The following SLCO6A1 variants were observed in gnomAD, a reference collection of about 807,000 sequenced individuals.
SLCO6A1 encodes the protein solute carrier organic anion transporter family member 6A1.
Under a neutral mutation model 72.7 loss-of-function variants are expected in SLCO6A1, and 65 were observed. The observed-to-expected ratio is 0.89, with a 90% CI of 0.73 to 1.10. The LOEUF (loss-of-function observed/expected upper bound fraction) is 1.10, where lower values mean the gene tolerates loss of function less well. Among genes scored for constraint, SLCO6A1 ranks in the 50% least tolerant of loss-of-function variants. The probability of loss-of-function intolerance (pLI) is 0.00; values close to 1 mark genes in which losing one functional copy is unlikely to be tolerated. For missense variants in SLCO6A1, 874 were observed against 872.6 expected (o/e 1.00, Z -0.02); for synonymous variants, 314 against 298.2 (o/e 1.05, Z -0.55).
At position 102,459,771 on chromosome 5, in the gene SLCO6A1, T is replaced by G. The variant is rs748798002; in HGVS notation, c.906A>C (p.Thr302=). Residue 302 remains threonine (T), a synonymous_variant, in exon 5 of 14, where the codon ACA becomes ACC. Transcript: ENST00000506729. Reference sequence around the variant, plus strand: ...GCCATTCTGGACTACCATTATTGACTGTAGTGCTTTAATAAAGAAAAGTGA... The same window carrying G: ...GCCATTCTGGACTACCATTATTGACGGTAGTGCTTTAATAAAGAAAAGTGA... ...PENTTSATNT[T]VNNGSPEWLW... 4.4e-6 allele frequency: 7 copies of G among 1,576,538 alleles called. No individual in the cohort carries two copies. In the East Asian group the frequency reaches 1.6e-4, roughly 36 times the overall value.
At chr5:102,466,068 G>T (rs1468200060) in intron 4 of SLCO6A1, among the ~76,000 whole-genome samples, 1 of 151,980 alleles carries the variant, frequency 6.6e-6, no homozygotes, top group East Asian at 1.9e-4. Context: ...GGATGTGGAG[G>T]TTTGTTAAAT....
intron 11 of SLCO6A1, among the ~76,000 whole-genome samples, chr5:102,390,349 C>T (rs1194527131): frequency 6.6e-6 from 1 of 152,134 alleles, no homozygotes; most frequent in Middle Eastern, 3.2e-3. Context: ...TTTAATCACA[C>T]AAGTAGATCT....
chr5:102,467,094 C>A (rs1297966075), intron 4 of SLCO6A1, among the ~76,000 whole-genome samples: 1 of 152,024 alleles, frequency 6.6e-6, no homozygotes, highest in Non-Finnish European at 1.5e-5. Flanking sequence ...TTTGCCCATG[C>A]CTATTCCTGA....
At chr5:102,497,951 G>A (rs1752980709) in intron 1 of SLCO6A1, among the ~76,000 whole-genome samples, 2 of 152,128 alleles carry the variant, frequency 1.3e-5, no homozygotes, top group African/African-American at 4.8e-5. Flanking sequence ...CGGTGCTTGA[G>A]ATATTTTGCA....
At chr5:102,423,998 C>T (rs1748752004) in intron 7 of SLCO6A1, among the ~76,000 whole-genome samples, 1 of 152,148 alleles carries the variant, frequency 6.6e-6, no homozygotes, top group Non-Finnish European at 1.5e-5. Flanking sequence ...TACATTGAAA[C>T]TGAACAACTT....
intron 7 of SLCO6A1, among the ~76,000 whole-genome samples, chr5:102,436,170 C>G (rs2112671380): frequency 6.6e-6 from 1 of 152,256 alleles, no homozygotes; most frequent in East Asian, 1.9e-4. Context: ...TCAGGAGTAC[C>G]TAAAGCTCTG....
intron 4 of SLCO6A1, among the ~76,000 whole-genome samples, chr5:102,473,459 A>G (rs1256597744): frequency 6.6e-6 from 1 of 152,012 alleles, no homozygotes; most frequent in African/African-American, 2.4e-5. Flanking sequence ...TAGGAATACA[A>G]GGAAATTACA....
chr5:102,429,404 C>T (rs1332170163), intron 7 of SLCO6A1, among the ~76,000 whole-genome samples: 1 of 152,102 alleles, frequency 6.6e-6, no homozygotes, highest in Non-Finnish European at 1.5e-5. Flanking sequence ...ATGGTATTCC[C>T]TAGGTTTTCT....
At chr5:102,472,771 C>T (rs550702236) in intron 4 of SLCO6A1, among the ~76,000 whole-genome samples, 27 of 151,808 alleles carry the variant, frequency 1.8e-4, no homozygotes, top group African/African-American at 6.3e-4. Context: ...ACTCAAATAA[C>T]AAAAATCAGA....
At chr5:102,412,796 T>C (rs891897627) in intron 9 of SLCO6A1, among the ~76,000 whole-genome samples, 194 bp downstream of exon 9, 3 of 151,820 alleles carry the variant, frequency 2.0e-5, no homozygotes, top group Non-Finnish European at 4.4e-5. Context: ...AAAAACAAAT[T>C]TTATTTTCTT....
rs374297292 is a variant in SLCO6A1, at chr5:102,458,498, A to G, written c.1022-7T>C. 3.3e-5 allele frequency: 52 copies of G among 1,592,190 alleles called. No homozygotes were observed. In the African/African-American group the frequency reaches 6.4e-4, roughly 19 times the overall value. ...GCTTTTATCCGTGTTGAACCTATAT[A>G]TAAACAAGTAAAAAAACTTATGACA... On this transcript the variant is annotated splice_polypyrimidine_tract_variant and splice_region_variant and intron_variant, in intron 5 of 13. Transcript: ENST00000506729.
At chr5:102,462,479 T>C (rs913239843) in intron 4 of SLCO6A1, among the ~76,000 whole-genome samples, 2 of 152,154 alleles carry the variant, frequency 1.3e-5, no homozygotes, top group African/African-American at 4.8e-5. Flanking sequence ...CTACCTGACT[T>C]CAAAATGTAC....
At position 102,446,825 on chromosome 5, in the gene SLCO6A1, G is replaced by A. The variant is rs1580442716; in HGVS notation, c.1132-8064C>T. ...GCTGGAGTGCAGTGGAGCGATCTCGGCTCACCGCAACCTCTGCCTCCTGGG... is the reference window on the plus strand; with the variant it reads ...GCTGGAGTGCAGTGGAGCGATCTCGACTCACCGCAACCTCTGCCTCCTGGG... On this transcript the variant is annotated intron_variant, in intron 6 of 13. Transcript: ENST00000506729. Among the ~76,000 whole-genome samples, 3 of 152,168 alleles carry A rather than the reference G, an allele frequency of 2.0e-5. No individual in the cohort carries two copies. The East Asian group carries it at 5.8e-4, about 29-fold the overall frequency.
intron 11 of SLCO6A1, 71 bp from the exon 12 acceptor site, chr5:102,388,896 G>T (rs1746577964): frequency 7.5e-7 from 1 of 1,335,592 alleles, no homozygotes; most frequent in Non-Finnish European, 1.0e-6. Context: ...TGCACACACA[G>T]ATAATATATA....
At chr5:102,376,674 G>C (rs1284079181) in intron 12 of SLCO6A1, among the ~76,000 whole-genome samples, 1 of 152,014 alleles carries the variant, frequency 6.6e-6, no homozygotes, top group Non-Finnish European at 1.5e-5. Context: ...TACAAAATGA[G>C]CTAATTGATA....
At chr5:102,458,288 G>A (rs567220287) in intron 6 of SLCO6A1, 94 bp downstream of exon 6, 3 of 904,586 alleles carry the variant, frequency 3.3e-6, no homozygotes, top group Non-Finnish European at 5.1e-6. Flanking sequence ...CCAGATTTAG[G>A]TTGAACCCTT....
Position 102,498,680 on chromosome 5 carries a change from T to C in SLCO6A1, c.165A>G (p.Pro55=), listed in dbSNP as rs1363974109. ...AACCGCCGAACCTTATCAAGGCCTC[T>C]GGAAGTAGTCTCAGATACCGGTGTT... ...GKKHRYLRLL[P]EALIRFGGFR... is the part of the protein sequence containing the mutation. The change falls in exon 1 of 14, where the codon CCA becomes CCG. Residue 55 remains proline, a synonymous_variant. Coordinates refer to ENST00000506729, the MANE Select transcript of SLCO6A1 (RefSeq NM_173488.5). 2 of 1,614,244 alleles carry C rather than the reference T, an allele frequency of 1.2e-6. No individual in the cohort carries two copies. Among genetic ancestry groups the C allele is most frequent in the Admixed American group, 1.7e-5 (1 of 60,034 alleles).
intron 6 of SLCO6A1, among the ~76,000 whole-genome samples, chr5:102,439,283 T>A (rs1025333151): frequency 1.3e-5 from 2 of 152,068 alleles, no homozygotes; most frequent in Non-Finnish European, 2.9e-5. Context: ...AAATTTTGCA[T>A]TTTGGTAAAC....
intron 4 of SLCO6A1, among the ~76,000 whole-genome samples, chr5:102,465,360 C>T (rs1383210787): frequency 4.6e-5 from 7 of 151,994 alleles, no homozygotes; most frequent in East Asian, 1.9e-4. Context: ...TTACACTGTC[C>T]GCCAGAGTTC....
Sources: gnomAD v4.1 joint callset for allele counts (sites outside exome capture counted in the v4.1 genomes callset) on GRCh38, gnomAD v4.1.1 for gene constraint, MANE v1.5 for transcripts, NCBI Gene and HGNC (gene_info 2026-07-23, HGNC 2026-07-21) for gene names.